GRIP1: variants seen among roughly 807,000 people sequenced by gnomAD.
GRIP1 encodes the protein glutamate receptor interacting protein 1, also known as glutamate receptor-interacting protein 1.
GRIP1 carries 45 observed loss-of-function variants against 129.9 expected under a neutral mutation model. The observed-to-expected ratio is 0.35, with a 90% CI of 0.27 to 0.44. GRIP1 has a LOEUF of 0.44. Among genes scored for constraint, GRIP1 ranks in the 20% least tolerant of loss-of-function variants. GRIP1 has a pLI of 1.00. For missense variants in GRIP1, 1,196 were observed against 1,396.8 expected (o/e 0.86, Z 2.29); for synonymous variants, 530 against 520.8 (o/e 1.02, Z -0.24).
At chr12:66,465,831 T>A (rs1253669244) in intron 7 of GRIP1, among the ~76,000 whole-genome samples, 2 of 151,604 alleles carry the variant, frequency 1.3e-5, no homozygotes, top group African/African-American at 2.4e-5. Context: ...GACGGATGGA[T>A]GAATGAATGG....
At chr12:67,012,882 TGAA>T (rs1224761013) in intron 1 of GRIP1, among the ~76,000 whole-genome samples, 29 of 152,206 alleles carry the variant, frequency 1.9e-4, no homozygotes, top group African/African-American at 6.5e-4. Context: ...GATGGAATGA[TGAA>T]GAAGTGTGTC....
intron 1 of GRIP1, among the ~76,000 whole-genome samples, chr12:67,039,912 T>A (rs957070793): frequency 6.6e-6 from 1 of 152,186 alleles, no homozygotes; most frequent in African/African-American, 2.4e-5. Flanking sequence ...GGACCTCCGT[T>A]GTGGCATATT....
chr12:66,814,859 A>C (rs1365869039), intron 1 of GRIP1, among the ~76,000 whole-genome samples: 1 of 151,928 alleles, frequency 6.6e-6, no homozygotes, highest in Non-Finnish European at 1.5e-5. Context: ...ACAGGGCAGC[A>C]GGATGGAGTG....
rs1318696561 is a variant in GRIP1, at chr12:66,377,225, C to G, written c.2682G>C (p.Ala894=). The change falls in exon 21 of 25, where the codon GCG becomes GCC. Residue 894 remains alanine, a synonymous_variant. Coordinates refer to ENST00000359742, the MANE Select transcript of GRIP1 (RefSeq NM_001366722.1). ...TEQEENFWSQ[A]LEDLETCGQS... is the part of the protein sequence containing the mutation. ...GTCCGCAGGTTTCCAAATCCTCCAGCGCTTGAGACCAGAAGTTCTCCTCTT... is the reference window on the plus strand; with the variant it reads ...GTCCGCAGGTTTCCAAATCCTCCAGGGCTTGAGACCAGAAGTTCTCCTCTT... 8.1e-6 allele frequency: 13 copies of G among 1,613,902 alleles called. No individual in the cohort carries two copies. The highest frequency in any genetic ancestry group is 1.1e-5 in the Non-Finnish European group (13 of 1,179,882).
intron 14 of GRIP1, 72 bp downstream of exon 14, chr12:66,432,476 C>G: frequency 1.1e-6 from 1 of 903,064 alleles, no homozygotes; most frequent in Middle Eastern, 2.2e-4. Flanking sequence ...ATTTGTTACA[C>G]CTGCAAACCA....
chr12:66,400,730 C>A (rs2056956772), intron 16 of GRIP1, among the ~76,000 whole-genome samples: 1 of 152,176 alleles, frequency 6.6e-6, no homozygotes, highest in South Asian at 2.1e-4. Context: ...TCATTAATAG[C>A]TGTATATTTG....
At position 67,018,843 on chromosome 12, in the gene GRIP1, G is replaced by A. The variant is rs191625061; in HGVS notation, c.58+50207C>T. On this transcript the variant is annotated intron_variant, in intron 1 of 1. Transcript: ENST00000643019. Reference sequence around the variant, plus strand: ...TGACTAAAAACAGTTGGAAAACCACGGACCCACAGCATGATTTCAGATGCA... The same window carrying A: ...TGACTAAAAACAGTTGGAAAACCACAGACCCACAGCATGATTTCAGATGCA... Among the ~76,000 whole-genome samples, 40 of 152,074 alleles carry A rather than the reference G, an allele frequency of 2.6e-4. 1 individual carries two copies. The highest frequency in any genetic ancestry group is 1.4e-3 in the East Asian group (7 of 5,144).
In GRIP1 at chr12:66,494,370, A is replaced by T. The variant is rs181333031; in HGVS notation, c.724+21249T>A. Among the ~76,000 whole-genome samples, 5 of 152,346 alleles carry T rather than the reference A, an allele frequency of 3.3e-5. No individual in the cohort carries two copies. The East Asian group carries it at 9.6e-4, about 29-fold the overall frequency. ...TCTTACATTTAGAATATATAAAGTC[A>T]CATTCCAATATTTGTTCTGCCTTCA... On this transcript the variant is annotated intron_variant, in intron 7 of 24. Coordinates refer to ENST00000359742, the MANE Select transcript of GRIP1 (RefSeq NM_001366722.1).
At chr12:67,058,506 C>T (rs1010017309) in intron 1 of GRIP1, among the ~76,000 whole-genome samples, 3 of 152,214 alleles carry the variant, frequency 2.0e-5, no homozygotes, top group Admixed American at 2.0e-4. Flanking sequence ...AACACATCAA[C>T]ACCTAACAGT....
chr12:66,575,654 A>G (rs2063115054), intron 2 of GRIP1, among the ~76,000 whole-genome samples: 1 of 152,198 alleles, frequency 6.6e-6, no homozygotes, highest in African/African-American at 2.4e-5. Flanking sequence ...ATCCTGCAAG[A>G]ATGGTAGCTA....
At chr12:66,371,149 C>A (rs2055466232) in intron 23 of GRIP1, among the ~76,000 whole-genome samples, 1 of 145,514 alleles carries the variant, frequency 6.9e-6, no homozygotes, top group Non-Finnish European at 1.5e-5. Context: ...AAGATTATGG[C>A]CATAAATAAT....
intron 1 of GRIP1, among the ~76,000 whole-genome samples, chr12:67,067,186 T>G (rs2043644856): frequency 6.6e-6 from 1 of 152,138 alleles, no homozygotes; most frequent in Non-Finnish European, 1.5e-5. Context: ...ACTCAGATTT[T>G]TATGCTCTGG....
chr12:66,527,825 G>GGGA (rs1167471987), intron 5 of GRIP1, among the ~76,000 whole-genome samples: 9 of 152,176 alleles, frequency 5.9e-5, no homozygotes, highest in South Asian at 2.1e-4. Flanking sequence ...GTTGGAGGGT[G>GGGA]GGAGGAGGAG....
At chr12:66,947,747 A>T (rs112997671) in intron 1 of GRIP1, among the ~76,000 whole-genome samples, 17 of 152,348 alleles carry the variant, frequency 1.1e-4, no homozygotes, top group African/African-American at 3.6e-4. Flanking sequence ...TTTCAATAGT[A>T]AAACTTCTCC....
intron 17 of GRIP1, among the ~76,000 whole-genome samples, 165 bp from the exon 18 acceptor site, chr12:66,392,981 T>A (rs1300659212): frequency 2.0e-5 from 3 of 152,194 alleles, no homozygotes; most frequent in African/African-American, 7.2e-5. Flanking sequence ...TAACTGCATC[T>A]GTTGTGGATT....
intron 8 of GRIP1, among the ~76,000 whole-genome samples, chr12:66,463,434 CTG>C (rs1422000548): frequency 2.0e-5 from 3 of 152,048 alleles, no homozygotes; most frequent in African/African-American, 7.2e-5. Flanking sequence ...GGACTTTTGT[CTG>C]TGTTTTTTTG....
intron 1 of GRIP1, among the ~76,000 whole-genome samples, chr12:66,945,085 G>A (rs1364295335): frequency 6.6e-6 from 1 of 152,136 alleles, no homozygotes; most frequent in Non-Finnish European, 1.5e-5. Flanking sequence ...GAGCCACCGT[G>A]CCCAGCCTAA....
At chr12:67,067,489 T>C (rs1319344298) in intron 1 of GRIP1, among the ~76,000 whole-genome samples, 1 of 152,180 alleles carries the variant, frequency 6.6e-6, no homozygotes, top group Non-Finnish European at 1.5e-5. Context: ...TATTTGCAAC[T>C]TTAAAGATAT....
chr12:66,773,340 G>A (rs1236204141), intron 1 of GRIP1, among the ~76,000 whole-genome samples: 1 of 152,068 alleles, frequency 6.6e-6, no homozygotes. Context: ...TAATCCTTTG[G>A]GTATATACCC....
Sources: gnomAD v4.1 joint callset for allele counts (sites outside exome capture counted in the v4.1 genomes callset) on GRCh38, gnomAD v4.1.1 for gene constraint, MANE v1.5 for transcripts, NCBI Gene and HGNC (gene_info 2026-07-23, HGNC 2026-07-21) for gene names.